The following NSDHL variants were observed in gnomAD, a reference collection of about 807,000 sequenced individuals.
NSDHL encodes the protein NAD(P) dependent 3-beta-hydroxysteroid dehydrogenase NSDHL.
Under a neutral mutation model 23.0 loss-of-function variants are expected in NSDHL, and 1 was observed. The ratio of observed to expected loss-of-function variants is 0.04; its 90% CI spans 0.02 to 0.21. NSDHL has a LOEUF of 0.21. NSDHL is among the 10% of genes least tolerant of loss of function. NSDHL has a pLI of 1.00. For missense variants in NSDHL, 237 were observed against 300.9 expected, an observed-to-expected ratio of 0.79 and a Z score of 1.57; for synonymous variants, 128 against 121.1, an observed-to-expected ratio of 1.06 and a Z score of -0.37.
At chrX:152,846,686 T>A (rs782646538) in intron 2 of NSDHL, among the ~76,000 whole-genome samples, 3 of 112,325 alleles carry the variant, frequency 2.7e-5, no homozygotes, top group East Asian at 5.6e-4. Flanking sequence ...TGGTCTCCCC[T>A]GGGCTCTTGC....
At chrX:152,845,230 G>A (rs1317384907) in intron 1 of NSDHL, among the ~76,000 whole-genome samples, 2 of 111,833 alleles carry the variant, frequency 1.8e-5, no homozygotes, top group Non-Finnish European at 1.9e-5. Flanking sequence ...ATGCCCATTC[G>A]TTAAAAGTGG....
chrX:152,852,354 A>G (rs989346280), intron 3 of NSDHL, among the ~76,000 whole-genome samples: 1 of 111,610 alleles, frequency 9.0e-6, no homozygotes, highest in East Asian at 2.8e-4. Context: ...GCAGGAATTG[A>G]TGCTGTGGTC....
At chrX:152,850,188 A>G (rs1186019190) in intron 2 of NSDHL, 77 bp from the exon 3 acceptor site, 11 of 1,022,464 alleles carry the variant, frequency 1.1e-5, no homozygotes, top group South Asian at 1.9e-5. Context: ...GCAGTGGCTC[A>G]TGATATGTAA....
chrX:152,847,835 A>T (rs1004218582), intron 2 of NSDHL, among the ~76,000 whole-genome samples: 5 of 110,741 alleles, frequency 4.5e-5, no homozygotes, highest in Non-Finnish European at 7.6e-5. Context: ...ATTCTATTGC[A>T]ATTAGATTAG....
chrX:152,845,696 C>T (rs781959061), intron 1 of NSDHL, among the ~76,000 whole-genome samples: 1 of 111,591 alleles, frequency 9.0e-6, no homozygotes, highest in African/African-American at 3.3e-5. Context: ...ATCGTCAGGG[C>T]GGCTTTAACT....
intron 1 of NSDHL, among the ~76,000 whole-genome samples, chrX:152,838,297 CT>C (rs2125002907): frequency 9.0e-6 from 1 of 111,676 alleles, no homozygotes; most frequent in African/African-American, 3.3e-5. Flanking sequence ...TCTCTATCTC[CT>C]TCAGTTCTGC....
At chrX:152,837,447 C>G (rs1158616760) in intron 1 of NSDHL, among the ~76,000 whole-genome samples, 4 of 111,349 alleles carry the variant, frequency 3.6e-5, no homozygotes, top group Non-Finnish European at 7.5e-5. Flanking sequence ...ATAAGTAGCT[C>G]TTATTATTTT....
chrX:152,867,307 G>A, intron 6 of NSDHL, among the ~76,000 whole-genome samples: 1 of 112,219 alleles, frequency 8.9e-6, no homozygotes, highest in African/African-American at 3.2e-5. Context: ...GGACAGGAGA[G>A]ACAGCACCAG....
chrX:152,840,282 A>C (rs1933169732), intron 1 of NSDHL, among the ~76,000 whole-genome samples: 1 of 112,050 alleles, frequency 8.9e-6, no homozygotes, highest in Non-Finnish European at 1.9e-5. Flanking sequence ...TTTTATTACC[A>C]ACCTTCTGAA....
At chrX:152,863,213 C>G (rs782252195) in intron 5 of NSDHL, among the ~76,000 whole-genome samples, 4 of 111,930 alleles carry the variant, frequency 3.6e-5, no homozygotes, top group Non-Finnish European at 7.5e-5. Context: ...TGGCCAGACA[C>G]TGTTCTGAGT....
At chrX:152,836,182 T>C (rs1556844061) in intron 1 of NSDHL, among the ~76,000 whole-genome samples, 1 of 112,371 alleles carries the variant, frequency 8.9e-6, no homozygotes, top group African/African-American at 3.2e-5. Flanking sequence ...GTTTAAGTTC[T>C]TTGTAGATTC....
At chrX:152,845,787 A>G (rs1341985777) in intron 1 of NSDHL, among the ~76,000 whole-genome samples, 3 of 111,816 alleles carry the variant, frequency 2.7e-5, no homozygotes, top group Non-Finnish European at 5.6e-5. Flanking sequence ...GCTCCTAGAC[A>G]TGAGCCCTTG....
intron 3 of NSDHL, 22 bp downstream of exon 3, chrX:152,850,445 C>G (rs1245764808): frequency 1.7e-6 from 2 of 1,203,189 alleles, no homozygotes; most frequent in Non-Finnish European, 2.3e-6. Flanking sequence ...TGCAGCCTTG[C>G]TGATTTCCCA....
chrX:152,838,207 C>T (rs1294940170), intron 1 of NSDHL, among the ~76,000 whole-genome samples: 1 of 111,569 alleles, frequency 9.0e-6, no homozygotes, highest in Non-Finnish European at 1.9e-5. Context: ...ATTAGTCTTG[C>T]TAGCGGTCTA....
At chrX:152,867,913 G>A (rs372668797) in intron 7 of NSDHL, among the ~76,000 whole-genome samples, 14 of 110,798 alleles carry the variant, frequency 1.3e-4, no homozygotes, top group Non-Finnish European at 2.3e-4. Context: ...TTCAGGTCAC[G>A]GTCATCTATG....
intron 4 of NSDHL, 36 bp from the exon 5 acceptor site, chrX:152,862,560 T>C (rs1556847628): frequency 8.4e-7 from 1 of 1,183,707 alleles, no homozygotes; most frequent in South Asian, 1.8e-5. Flanking sequence ...TTGTGATAAT[T>C]TGTGACTTTT....
chrX:152,845,189 G>A (rs781904408), intron 1 of NSDHL, among the ~76,000 whole-genome samples: 9 of 112,005 alleles, frequency 8.0e-5, no homozygotes, highest in African/African-American at 1.6e-4. Flanking sequence ...CTACATGCCC[G>A]TAAAGTCTGT....
At chrX:152,833,407 C>T (rs1556843640) in intron 1 of NSDHL, among the ~76,000 whole-genome samples, 2 of 106,980 alleles carry the variant, frequency 1.9e-5, no homozygotes, top group Non-Finnish European at 3.9e-5. Flanking sequence ...CCCTGCACTG[C>T]AGCCAAGGTG....
chrX:152,850,460 C>G, intron 3 of NSDHL, 37 bp downstream of exon 3: 1 of 1,179,454 alleles, frequency 8.5e-7, no homozygotes, highest in South Asian at 1.8e-5. Flanking sequence ...TTCCCACGAG[C>G]CCACGAAGGG....
Sources: gnomAD v4.1 joint callset for allele counts (sites outside exome capture counted in the v4.1 genomes callset) on GRCh38, gnomAD v4.1.1 for gene constraint, MANE v1.5 for transcripts, NCBI Gene and HGNC (gene_info 2026-07-23, HGNC 2026-07-21) for gene names.